DLGAP1: variants seen among roughly 807,000 people sequenced by gnomAD.
DLGAP1 encodes the protein DLG associated protein 1.
A neutral mutation model predicts 90.8 loss-of-function variants in DLGAP1; 11 were observed. That is an observed-to-expected ratio of 0.12 (90% CI 0.08 to 0.20). The LOEUF (loss-of-function observed/expected upper bound fraction) is 0.20, where lower values mean the gene tolerates loss of function less well. Ranked by LOEUF, DLGAP1 falls within the 10% of genes least tolerant of loss-of-function variation. DLGAP1 has a pLI of 1.00. For synonymous variants in DLGAP1, 558 were observed against 540.7 expected (o/e 1.03, Z -0.44); for missense variants, 1,050 against 1,333.8 (o/e 0.79, Z 3.31).
intron 7 of DLGAP1, among the ~76,000 whole-genome samples, chr18:3,637,670 C>T (rs1182617388): frequency 6.6e-6 from 1 of 151,432 alleles, no homozygotes; most frequent in African/African-American, 2.4e-5. Flanking sequence ...TTGATTGAGC[C>T]TGGGAGGTCG....
At chr18:4,221,183 G>A (rs749595485) in intron 1 of DLGAP1, among the ~76,000 whole-genome samples, 4 of 151,852 alleles carry the variant, frequency 2.6e-5, no homozygotes, top group African/African-American at 4.8e-5. Context: ...CTATGTTTTC[G>A]GGAACCTCAA....
intron 2 of DLGAP1, among the ~76,000 whole-genome samples, chr18:4,099,270 GTCTA>G (rs145071677): frequency 0.23 from 33,520 of 147,920 alleles, 3,885 homozygotes; most frequent in East Asian, 0.29. Context: ...CTGTCTGTCT[GTCTA>G]TCTATCTATC....
intron 1 of DLGAP1, among the ~76,000 whole-genome samples, chr18:4,358,204 C>G (rs11874649): frequency 0.022 from 3,335 of 152,190 alleles, 60 homozygotes; most frequent in African/African-American, 0.047. Flanking sequence ...AATATACATG[C>G]AAACAAACAG....
At position 4,073,697 on chromosome 18, in the gene DLGAP1, TA is replaced by T. The variant is rs199680735; in HGVS notation, c.-158-68497del. ...TGATTAATTTCCAATGAATGTTTTTTAAAAAATAAATTAGCTGCTCAATAAG... is the reference window on the plus strand; with the variant it reads ...TGATTAATTTCCAATGAATGTTTTTTAAAAATAAATTAGCTGCTCAATAAG... On this transcript the variant is annotated intron_variant, in intron 2 of 12. Transcript: ENST00000315677. Among the ~76,000 whole-genome samples the T allele has an allele frequency of 6.3e-3, 960 of 152,268 alleles. 6 individuals are homozygous for T. The highest frequency in any genetic ancestry group is 0.024 in the Middle Eastern group (7 of 294).
intron 7 of DLGAP1, among the ~76,000 whole-genome samples, chr18:3,591,701 A>T (rs906599669): frequency 1.9e-4 from 29 of 152,104 alleles, no homozygotes; most frequent in Admixed American, 3.9e-4. Flanking sequence ...CGTCAAAAAT[A>T]AAAAACAAAA....
chr18:3,942,065 G>C (rs16945698), intron 3 of DLGAP1, among the ~76,000 whole-genome samples: 3,825 of 152,312 alleles, frequency 0.025, 62 homozygotes, highest in African/African-American at 0.035. Context: ...TCTTAGGAGA[G>C]AGACAACATG....
At chr18:4,340,210 C>A (rs989534118) in intron 1 of DLGAP1, among the ~76,000 whole-genome samples, 2 of 152,078 alleles carry the variant, frequency 1.3e-5, no homozygotes, top group African/African-American at 4.8e-5. Context: ...TATATGAACA[C>A]AAGCACTGTG....
Position 3,499,799 on chromosome 18 carries a change from T to C in DLGAP1, c.2725-405A>G, listed in dbSNP as rs1176244743. ...CATCTTAGAACCCCTGCATCCCCTC[T>C]AAGGATGCAAGTCACCGGGTGCAAG... is the stretch of plus-strand genomic sequence containing the variant. On this transcript the variant is annotated intron_variant, in intron 12 of 12. Transcript: ENST00000315677. This position sits in a 1 kb window ranked among gnomAD's most constrained non-coding sequence, Gnocchi z 6.4. Among the ~76,000 whole-genome samples, 1 of 152,076 alleles carries C rather than the reference T, an allele frequency of 6.6e-6. No homozygotes were observed. Among genetic ancestry groups the C allele is most frequent in the Non-Finnish European group, 1.5e-5 (1 of 68,006 alleles).
At chr18:4,190,265 T>A (rs1213080411) in intron 1 of DLGAP1, among the ~76,000 whole-genome samples, 1 of 151,654 alleles carries the variant, frequency 6.6e-6, no homozygotes, top group African/African-American at 2.4e-5. Flanking sequence ...GAAGTCTTAA[T>A]AAGCTACATG....
chr18:3,827,630 C>T (rs2067792420), intron 4 of DLGAP1, among the ~76,000 whole-genome samples: 1 of 152,152 alleles, frequency 6.6e-6, no homozygotes, highest in Non-Finnish European at 1.5e-5. Context: ...TTTTAAATAG[C>T]TTTTGGCTAC....
At chr18:3,664,180 G>A (rs1406280272) in intron 7 of DLGAP1, among the ~76,000 whole-genome samples, 1 of 132,494 alleles carries the variant, frequency 7.5e-6, no homozygotes, top group Non-Finnish European at 1.6e-5. Flanking sequence ...TTATGGGTCA[G>A]TATACACACA....
intron 9 of DLGAP1, among the ~76,000 whole-genome samples, chr18:3,558,981 A>G (rs2053918608): frequency 6.6e-6 from 1 of 152,220 alleles, no homozygotes; most frequent in Non-Finnish European, 1.5e-5. Context: ...ACATTGCTCT[A>G]GTATATTGAC....
chr18:4,244,125 C>A (rs538721383), intron 1 of DLGAP1, among the ~76,000 whole-genome samples: 17 of 152,246 alleles, frequency 1.1e-4, no homozygotes, highest in African/African-American at 3.9e-4. Context: ...TTATCTAATA[C>A]ATAGTCCATT....
intron 12 of DLGAP1, among the ~76,000 whole-genome samples, chr18:3,501,937 CAAAACTGTTTTGAA>C (rs1439069028): frequency 1.3e-5 from 1 of 75,508 alleles, no homozygotes; most frequent in East Asian, 3.5e-4. Flanking sequence ...CAACCAAAAG[CAAAACTGTTTTGAA>C]AAAAAAAAAA....
chr18:4,131,197 C>T (rs752973317), intron 2 of DLGAP1, among the ~76,000 whole-genome samples: 33 of 150,744 alleles, frequency 2.2e-4, no homozygotes, highest in Non-Finnish European at 4.0e-4. Context: ...AAAACGTGGG[C>T]GTGTGTGTGT....
intron 4 of DLGAP1, among the ~76,000 whole-genome samples, chr18:3,839,906 C>T (rs2068619024): frequency 6.6e-6 from 1 of 152,230 alleles, no homozygotes; most frequent in Non-Finnish European, 1.5e-5. Context: ...GCCATCTGCT[C>T]AGACACCCTG....
At chr18:3,764,230 G>A (rs148503943) in intron 5 of DLGAP1, among the ~76,000 whole-genome samples, 22 of 152,294 alleles carry the variant, frequency 1.4e-4, no homozygotes, top group African/African-American at 5.1e-4. Flanking sequence ...TTGAAAGCTG[G>A]TTCTAATTTC....
At position 4,227,728 on chromosome 18, in the gene DLGAP1, C is replaced by T. The variant is rs553658752; in HGVS notation, c.-266-76441G>A. On this transcript the variant is annotated intron_variant, in intron 1 of 12. Coordinates refer to ENST00000315677, the MANE Select transcript of DLGAP1 (RefSeq NM_004746.4). Reference sequence around the variant, plus strand: ...TAAGAGGACATTTTGTAACTATAAGCGCCTCCACCAAAAATGTAGAAAAAC... The same window carrying T: ...TAAGAGGACATTTTGTAACTATAAGTGCCTCCACCAAAAATGTAGAAAAAC... Among the ~76,000 whole-genome samples the T allele has an allele frequency of 9.3e-5, 14 of 150,644 alleles. 1 individual carries two copies. In the East Asian group the frequency reaches 2.3e-3, roughly 25 times the overall value.
chr18:3,997,141 G>A (rs1452161671), intron 3 of DLGAP1, among the ~76,000 whole-genome samples: 3 of 75,878 alleles, frequency 4.0e-5, no homozygotes, highest in Admixed American at 1.6e-4. Context: ...GGTTATTTTC[G>A]TCTAATGTTA....
Sources: allele counts gnomAD v4.1 joint callset (sites outside exome capture counted in the v4.1 genomes callset), GRCh38; gene constraint gnomAD v4.1.1; non-coding constraint Gnocchi (gnomAD v3.1); transcripts MANE v1.5; gene names NCBI Gene and HGNC (gene_info 2026-07-23, HGNC 2026-07-21).